The following CLNK variants were observed in gnomAD, a reference collection of about 807,000 sequenced individuals.
CLNK encodes the protein cytokine-dependent hematopoietic cell linker.
CLNK carries 74 observed loss-of-function variants against 68.6 expected under a neutral mutation model. The ratio of observed to expected loss-of-function variants is 1.08; its 90% CI spans 0.89 to 1.31. The LOEUF is 1.31. CLNK is among the 50% of genes most tolerant of loss of function. The pLI is 0.00. For synonymous variants in CLNK, 198 were observed against 172.2 expected (o/e 1.15, Z -1.17); for missense variants, 553 against 515.3 (o/e 1.07, Z -0.71).
the CLNK span, among the ~76,000 whole-genome samples, chr4:10,725,512 C>A: frequency 5.8e-4 from 88 of 152,268 alleles, no homozygotes; most frequent in African/African-American, 1.1e-3. Context: ...ACTACCCCCC[C>A]ATAAATCCAA....
intron 11 of CLNK, among the ~76,000 whole-genome samples, chr4:10,537,662 T>C (rs1284305055): frequency 8.9e-3 from 435 of 48,912 alleles, no homozygotes; most frequent in Admixed American, 0.04. Flanking sequence ...TTTCTTTCTT[T>C]CTTTCTTTCT....
At chr4:10,585,101 T>C (rs1310294422) in intron 3 of CLNK, 146 bp from the exon 4 acceptor site, 13 of 646,030 alleles carry the variant, frequency 2.0e-5, no homozygotes, top group Non-Finnish European at 3.5e-5. Flanking sequence ...AGACCTGAAG[T>C]CACATATTAT....
chr4:10,644,966 A>G (rs1193713811), intron 2 of CLNK, among the ~76,000 whole-genome samples: 1 of 152,260 alleles, frequency 6.6e-6, no homozygotes, highest in Non-Finnish European at 1.5e-5. Context: ...AAGGCTTAGA[A>G]GATCCCAGTT....
intron 18 of CLNK, among the ~76,000 whole-genome samples, chr4:10,499,882 C>T (rs1716969126): frequency 6.6e-6 from 1 of 152,118 alleles, no homozygotes; most frequent in Non-Finnish European, 1.5e-5. Flanking sequence ...GAACATCTCT[C>T]ATATTGGATT....
rs570987752 is a variant in CLNK, at chr4:10,664,146, T to A, written c.11+3713A>T. The stretch of plus-strand genomic sequence containing the variant: ...TGCTTAGGATTCCAGGTTATAAAAT[T>A]GTAAGAAATTCCAGATTATAGAATT... On this transcript the variant is annotated intron_variant, in intron 2 of 18. Coordinates refer to ENST00000226951, the MANE Select transcript of CLNK (RefSeq NM_052964.4). Among the ~76,000 whole-genome samples, 3 of 152,260 alleles carry A rather than the reference T, an allele frequency of 2.0e-5. No homozygotes were observed. The East Asian group carries it at 5.8e-4, about 29-fold the overall frequency.
intron 2 of CLNK, among the ~76,000 whole-genome samples, chr4:10,611,160 A>G (rs1722000491): frequency 6.6e-6 from 1 of 152,238 alleles, no homozygotes; most frequent in Non-Finnish European, 1.5e-5. Context: ...TCTACTAAAA[A>G]TACAAAAATT....
the CLNK span, among the ~76,000 whole-genome samples, chr4:10,711,378 G>A: frequency 6.6e-6 from 1 of 152,138 alleles, no homozygotes; most frequent in Non-Finnish European, 1.5e-5. Context: ...AGACCTTCTG[G>A]TCCAATACTG....
intron 18 of CLNK, among the ~76,000 whole-genome samples, chr4:10,496,452 C>T (rs146887804): frequency 1.3e-5 from 2 of 152,294 alleles, no homozygotes; most frequent in African/African-American, 2.4e-5. Context: ...AAATCCAGAC[C>T]GTCTTCCTCT....
chr4:10,699,513 T>TATATATATATATTTTA, the CLNK span, among the ~76,000 whole-genome samples: 45 of 62,044 alleles, frequency 7.3e-4, no homozygotes, highest in African/African-American at 3.7e-3. Context: ...TATATATATA[T>TATATATATATATTTTA]TTTTTTTTTT....
At chr4:10,606,784 A>G (rs541274712) in intron 2 of CLNK, among the ~76,000 whole-genome samples, 153 of 152,324 alleles carry the variant, frequency 1.0e-3, no homozygotes, top group Middle Eastern at 3.4e-3. Context: ...ATCTATATCT[A>G]TATCTATATA....
chr4:10,574,163 C>G (rs1263003876), intron 4 of CLNK, among the ~76,000 whole-genome samples: 1 of 152,156 alleles, frequency 6.6e-6, no homozygotes, highest in African/African-American at 2.4e-5. Context: ...CACCGTGCAT[C>G]AGTTCATGTC....
intron 5 of CLNK, among the ~76,000 whole-genome samples, chr4:10,571,326 C>CTTTTTTT (rs60429766): frequency 1.5e-5 from 1 of 64,598 alleles, no homozygotes; most frequent in African/African-American, 6.3e-5. Context: ...GTTGCTGTTG[C>CTTTTTTT]TTTTTTTTTT....
intron 1 of CLNK, among the ~76,000 whole-genome samples, chr4:10,680,025 C>T (rs995888379): frequency 6.6e-6 from 1 of 151,940 alleles, no homozygotes; most frequent in Admixed American, 6.6e-5. Flanking sequence ...GGATATATAC[C>T]CAAAGGATTA....
intron 3 of CLNK, among the ~76,000 whole-genome samples, chr4:10,595,261 C>T (rs959226676): frequency 6.6e-6 from 1 of 152,206 alleles, no homozygotes; most frequent in African/African-American, 2.4e-5. Context: ...CGAATGCCTA[C>T]TTCAAAGCAT....
intron 2 of CLNK, among the ~76,000 whole-genome samples, chr4:10,613,998 G>T (rs867409500): frequency 6.6e-6 from 1 of 152,206 alleles, no homozygotes; most frequent in Non-Finnish European, 1.5e-5. Context: ...CACCCTCAGT[G>T]GCAACCACCA....
At chr4:10,726,630 G>A in the CLNK span, among the ~76,000 whole-genome samples, 2 of 152,166 alleles carry the variant, frequency 1.3e-5, no homozygotes, top group African/African-American at 2.4e-5. Flanking sequence ...ACAGGGTAGA[G>A]CGAAGATTTC....
intron 3 of CLNK, among the ~76,000 whole-genome samples, chr4:10,591,718 T>A (rs1336523568): frequency 1.3e-5 from 2 of 152,120 alleles, no homozygotes; most frequent in Non-Finnish European, 1.5e-5. Flanking sequence ...CCACTTAAAT[T>A]CCCCTGGAAT....
intron 8 of CLNK, among the ~76,000 whole-genome samples, chr4:10,556,204 G>A (rs1271783811): frequency 1.3e-5 from 2 of 152,222 alleles, no homozygotes; most frequent in African/African-American, 2.4e-5. Context: ...TGCTGTCTCT[G>A]AGGAACTGGT....
intron 2 of CLNK, among the ~76,000 whole-genome samples, chr4:10,610,050 T>G (rs933041132): frequency 0.37 from 27,662 of 75,284 alleles, 6,981 homozygotes; most frequent in Non-Finnish European, 0.47. Flanking sequence ...TTTTTTTTTT[T>G]TTTTTTTTTT....
Sources: gnomAD v4.1 joint callset for allele counts (sites outside exome capture counted in the v4.1 genomes callset) on GRCh38, gnomAD v4.1.1 for gene constraint, MANE v1.5 for transcripts, NCBI Gene and HGNC (gene_info 2026-07-23, HGNC 2026-07-21) for gene names.